Variants in SLC44A5 observed in about 807,000 individuals in gnomAD.
The protein encoded by SLC44A5 is choline transporter-like protein 5.
In SLC44A5, 57 loss-of-function variants were observed where a neutral mutation model predicts 101.8. The observed-to-expected ratio is 0.56, with a 90% CI of 0.45 to 0.70. The LOEUF (loss-of-function observed/expected upper bound fraction) is 0.70. SLC44A5 is among the 30% of genes least tolerant of loss of function. SLC44A5 has a pLI of 0.00. For synonymous variants in SLC44A5, 281 were observed against 290.9 expected, an observed-to-expected ratio of 0.97 and a Z score of 0.35; for missense variants, 737 against 853.1, an observed-to-expected ratio of 0.86 and a Z score of 1.70.
rs1646676563 is a variant in SLC44A5 at position 75,202,167 on chromosome 1, T to A, written c.*1560A>T. Reference sequence around the variant, plus strand: ...AAATCTTTATTAAAAGAAAAAAGATTTAAAACAAGTAACAACAAATTTCAT... The same window carrying A: ...AAATCTTTATTAAAAGAAAAAAGATATAAAACAAGTAACAACAAATTTCAT... On this transcript the variant is annotated 3_prime_UTR_variant, in exon 24 of 24. Transcript: ENST00000370859. 6.6e-6 allele frequency: 1 copy of A among 152,104 alleles called. No individual in the cohort carries two copies. Among genetic ancestry groups the A allele is most frequent in the African/African-American group, 2.4e-5 (1 of 41,436 alleles). The allele number at this position is 152,104 out of a possible 1,614,324, so 9.4% of individuals were successfully genotyped here. A position where few individuals can be genotyped will look rare whatever the true frequency, so the allele number is the denominator to read the frequency against.
chr1:75,208,509 C>T (rs1646792279), intron 23 of SLC44A5, among the ~76,000 whole-genome samples: 1 of 152,186 alleles, frequency 6.6e-6, no homozygotes, highest in Non-Finnish European at 1.5e-5. Context: ...GAATTTTAAG[C>T]TAGTTTTGTT....
chr1:75,449,870 G>T (rs182850439), intron 2 of SLC44A5, among the ~76,000 whole-genome samples: 1 of 151,964 alleles, frequency 6.6e-6, no homozygotes, highest in African/African-American at 2.4e-5. Flanking sequence ...GCATGCTGGC[G>T]CATGCCTGTA....
intron 2 of SLC44A5, among the ~76,000 whole-genome samples, chr1:75,461,214 C>G (rs76613167): frequency 0.14 from 21,500 of 152,172 alleles, 2,000 homozygotes; most frequent in Non-Finnish European, 0.21. Context: ...CTCTGATGAT[C>G]AAATTAATTC....
chr1:75,439,447 A>G (rs966341983), intron 2 of SLC44A5, among the ~76,000 whole-genome samples: 3 of 152,078 alleles, frequency 2.0e-5, no homozygotes, highest in African/African-American at 7.2e-5. Flanking sequence ...TCTAGGCAAA[A>G]TGGTGCATGC....
intron 4 of SLC44A5, among the ~76,000 whole-genome samples, chr1:75,318,369 T>TAGAAAGAA (rs1557657065): frequency 5.1e-5 from 6 of 118,112 alleles, no homozygotes; most frequent in Non-Finnish European, 6.8e-5. Context: ...ATCCCATCTC[T>TAGAAAGAA]TGAAAGAAAG....
chr1:75,316,325 T>C (rs1655682847), intron 4 of SLC44A5, among the ~76,000 whole-genome samples: 2 of 152,224 alleles, frequency 1.3e-5, no homozygotes, highest in Non-Finnish European at 2.9e-5. Flanking sequence ...ATAATGGCTA[T>C]CTGCCTTGAA....
the SLC44A5 span, among the ~76,000 whole-genome samples, chr1:75,629,399 G>T: frequency 6.6e-6 from 1 of 152,174 alleles, no homozygotes; most frequent in East Asian, 1.9e-4. Context: ...TTGATTAGAA[G>T]AAATAATCCA....
intron 2 of SLC44A5, among the ~76,000 whole-genome samples, chr1:75,502,263 A>C (rs1668999652): frequency 6.6e-6 from 1 of 152,228 alleles, no homozygotes; most frequent in South Asian, 2.1e-4. Flanking sequence ...CTTGTTTCAA[A>C]GTCAGTGACA....
At chr1:75,460,405 A>G (rs1666435182) in intron 2 of SLC44A5, among the ~76,000 whole-genome samples, 1 of 152,212 alleles carries the variant, frequency 6.6e-6, no homozygotes, top group Admixed American at 6.5e-5. Flanking sequence ...TTGGGGCTTT[A>G]AACATCTGCT....
intron 3 of SLC44A5, among the ~76,000 whole-genome samples, chr1:75,371,010 T>C (rs1188412390): frequency 6.6e-6 from 1 of 152,060 alleles, no homozygotes; most frequent in Non-Finnish European, 1.5e-5. Context: ...ATTGGGACAA[T>C]GCTCTCATCT....
At chr1:75,592,384 G>T (rs645742) in intron 1 of SLC44A5, among the ~76,000 whole-genome samples, 11 of 151,574 alleles carry the variant, frequency 7.3e-5, no homozygotes, top group African/African-American at 1.5e-4. Flanking sequence ...CCAAAAAATT[G>T]AAAAATATGA....
In SLC44A5 at chr1:75,386,903, C is replaced by T. The variant is rs543042367; in HGVS notation, c.52+9680G>A. 5.6e-3 allele frequency among the ~76,000 whole-genome samples: 850 copies of T among 152,068 alleles called. 7 individuals are homozygous for T. Among genetic ancestry groups the T allele is most frequent in the African/African-American group, 0.02 (817 of 41,444 alleles). Reference sequence around the variant, plus strand: ...CAGAACAGAACCCTCAGAAATAACGCCGCATATCTACAACTATCTGATCTT... The same window carrying T: ...CAGAACAGAACCCTCAGAAATAACGTCGCATATCTACAACTATCTGATCTT... On this transcript the variant is annotated intron_variant, in intron 3 of 23. Transcript: ENST00000370859.
the SLC44A5 span, among the ~76,000 whole-genome samples, chr1:75,657,507 C>T: frequency 1.7e-4 from 25 of 149,896 alleles, no homozygotes; most frequent in South Asian, 3.4e-3. Context: ...GGGCTCACAC[C>T]ATTGCACTCC....
At chr1:75,331,367 A>G (rs1251368477) in intron 4 of SLC44A5, among the ~76,000 whole-genome samples, 2 of 152,104 alleles carry the variant, frequency 1.3e-5, no homozygotes, top group African/African-American at 4.8e-5. Flanking sequence ...CAAGTCACAA[A>G]TCTAACAATT....
chr1:75,256,763 C>A (rs2100670032), intron 6 of SLC44A5, among the ~76,000 whole-genome samples: 1 of 152,140 alleles, frequency 6.6e-6, no homozygotes, highest in Non-Finnish European at 1.5e-5. Context: ...TAAAGATGAG[C>A]TGAGACACTG....
At chr1:75,272,728 A>G (rs1651589860) in intron 6 of SLC44A5, among the ~76,000 whole-genome samples, 1 of 152,012 alleles carries the variant, frequency 6.6e-6, no homozygotes, top group East Asian at 1.9e-4. Context: ...TGGGTTCTCT[A>G]TTCTTTTCCA....
chr1:75,541,287 T>A, intron 2 of SLC44A5, 148 bp downstream of exon 2: 2 of 630,172 alleles, frequency 3.2e-6, no homozygotes, highest in Non-Finnish European at 5.5e-6. Context: ...CCACAAGGTC[T>A]AACATGCTGT....
At chr1:75,399,109 G>C (rs1009372640) in intron 2 of SLC44A5, among the ~76,000 whole-genome samples, 10 of 151,842 alleles carry the variant, frequency 6.6e-5, no homozygotes, top group Non-Finnish European at 1.2e-4. Flanking sequence ...GGTGGAGGAG[G>C]GGGTAGCAAT....
intron 2 of SLC44A5, among the ~76,000 whole-genome samples, chr1:75,444,100 T>C (rs1305097121): frequency 1.3e-5 from 2 of 151,816 alleles, no homozygotes; most frequent in African/African-American, 4.8e-5. Flanking sequence ...GCGGATCACC[T>C]GAGTTCAGGA....
Sources: gnomAD v4.1 joint callset for allele counts (sites outside exome capture counted in the v4.1 genomes callset) on GRCh38, gnomAD v4.1.1 for gene constraint, MANE v1.5 for transcripts, NCBI Gene and HGNC (gene_info 2026-07-23, HGNC 2026-07-21) for gene names.